RTN4R: variants seen among roughly 807,000 people sequenced by gnomAD.
RTN4R encodes reticulon-4 receptor.
RTN4R carries 4 observed loss-of-function variants against 27.7 expected under a neutral mutation model. That is an observed-to-expected ratio of 0.14 (90% CI 0.07 to 0.33). RTN4R has a LOEUF of 0.33. Among genes scored for constraint, RTN4R ranks in the 10% least tolerant of loss-of-function variants. The probability of loss-of-function intolerance (pLI) is 1.00; values close to 1 mark genes in which losing one functional copy is unlikely to be tolerated. For synonymous variants in RTN4R, 290 were observed against 305.6 expected (o/e 0.95, Z 0.53); for missense variants, 554 against 671.5 (o/e 0.83, Z 1.93).
chr22:20,256,721 C>G (rs950525046), intron 1 of RTN4R, among the ~76,000 whole-genome samples: 6 of 152,256 alleles, frequency 3.9e-5, no homozygotes, highest in African/African-American at 1.4e-4. Flanking sequence ...CCTCCACTGG[C>G]TGCTTCTCCG....
At chr22:20,262,668 G>C (rs1403045757) in intron 1 of RTN4R, among the ~76,000 whole-genome samples, 1 of 152,216 alleles carries the variant, frequency 6.6e-6, no homozygotes, top group African/African-American at 2.4e-5. Flanking sequence ...GAGGACTCTA[G>C]GCATTTTCCC....
intron 1 of RTN4R, among the ~76,000 whole-genome samples, chr22:20,261,923 C>T (rs1298959573): frequency 6.6e-6 from 1 of 152,252 alleles, no homozygotes; most frequent in African/African-American, 2.4e-5. Flanking sequence ...GGGGCCAAAG[C>T]TTCACCTAGG....
At chr22:20,259,369 G>A (rs1329148285) in intron 1 of RTN4R, among the ~76,000 whole-genome samples, 12 of 152,212 alleles carry the variant, frequency 7.9e-5, no homozygotes, top group African/African-American at 2.7e-4. Context: ...TGTCACACCT[G>A]TCCCTGTGTC....
intron 1 of RTN4R, among the ~76,000 whole-genome samples, chr22:20,249,595 C>T (rs1045803305): frequency 3.3e-5 from 5 of 152,148 alleles, no homozygotes; most frequent in African/African-American, 9.7e-5. Flanking sequence ...GCGTGCATAC[C>T]GGAAACACAC....
At chr22:20,260,401 T>A (rs1282222058) in intron 1 of RTN4R, among the ~76,000 whole-genome samples, 2 of 152,158 alleles carry the variant, frequency 1.3e-5, no homozygotes, top group East Asian at 3.9e-4. Flanking sequence ...GTGGAGAGTG[T>A]GTGGGAGGGA....
In RTN4R at chr22:20,242,148, GCTC is replaced by G. The variant is rs749127681; in HGVS notation, c.982_984del (p.Glu328del). On this transcript the variant is annotated inframe_deletion, in exon 2 of 2. Transcript: ENST00000043402. ...TGGCAGCACTTGGGAAGCCCCAGCG[GCTC>G]CTCATCGGTGGCCCTGCCGGTCCAG... The G allele has an allele frequency of 5.6e-6, 9 of 1,612,126 alleles. No individual in the cohort carries two copies. Among genetic ancestry groups the G allele is most frequent in the Middle Eastern group, 1.7e-4 (1 of 6,058 alleles).
At chr22:20,263,463 TGA>T (rs2051259289) in intron 1 of RTN4R, among the ~76,000 whole-genome samples, 1 of 152,244 alleles carries the variant, frequency 6.6e-6, no homozygotes, top group Non-Finnish European at 1.5e-5. Flanking sequence ...AGCCCTTATG[TGA>T]TACCCCCAAC....
Position 20,268,073 on chromosome 22 carries a change from C to G in RTN4R, c.20G>C (p.Gly7Ala), listed in dbSNP as rs774388504. Residue 7 changes from glycine (G) to alanine (A), a missense_variant and splice_region_variant, in exon 1 of 2, where the codon GGA becomes GCA. Coordinates refer to ENST00000043402, the MANE Select transcript of RTN4R (RefSeq NM_023004.6). MKRASA[G>A]GSRLLAWVLW... is the part of the protein sequence containing the mutation. Reference sequence around the variant, plus strand: ...TCGGGTGCAGCGCGGACACTCACCTCCAGCGGACGCCCTCTTCATCGTAGG... The same window carrying G: ...TCGGGTGCAGCGCGGACACTCACCTGCAGCGGACGCCCTCTTCATCGTAGG... 3 of 1,201,064 alleles carry G rather than the reference C, an allele frequency of 2.5e-6. No homozygotes were observed. In the South Asian group the frequency reaches 9.3e-5, roughly 37 times the overall value. 74.4% of individuals were successfully genotyped at this position (1,201,064 alleles called of 1,614,324 possible). A position where few individuals can be genotyped will look rare whatever the true frequency, so the allele number is the denominator to read the frequency against.
chr22:20,253,638 G>A (rs1054096650), intron 1 of RTN4R, among the ~76,000 whole-genome samples: 2 of 152,120 alleles, frequency 1.3e-5, no homozygotes, highest in Admixed American at 6.6e-5. Context: ...CCAGGCATCC[G>A]GAAAACATAT....
In RTN4R at chr22:20,251,997, CCATCCT is replaced by C. The variant is rs1323898706; in HGVS notation, c.23-8893_23-8888del. On this transcript the variant is annotated intron_variant, in intron 1 of 1. Coordinates refer to ENST00000043402, the MANE Select transcript of RTN4R (RefSeq NM_023004.6). ...ATCACCATCACCATCACCATCATCACCATCCTCATCCTCATCACCATCATCCCATCA... is the reference window on the plus strand; with the variant it reads ...ATCACCATCACCATCACCATCATCACCATCCTCATCACCATCATCCCATCA... Among the ~76,000 whole-genome samples the C allele has an allele frequency of 7.0e-5, 7 of 100,000 alleles. No individual in the cohort carries two copies. The East Asian group carries it at 9.0e-4, about 13-fold the overall frequency. 65.6% of individuals were successfully genotyped at this position (100,000 alleles called of 152,430 possible). A position where few individuals can be genotyped will look rare whatever the true frequency, so the allele number is the denominator to read the frequency against.
At chr22:20,243,347 T>A in intron 1 of RTN4R, 1 of 702,782 alleles carries the variant, frequency 1.4e-6, no homozygotes, top group Non-Finnish European at 2.6e-6. Flanking sequence ...GGAAGCCACA[T>A]CTGCAGACTC....
intron 1 of RTN4R, among the ~76,000 whole-genome samples, chr22:20,245,138 C>A (rs1228986293): frequency 6.6e-6 from 1 of 152,198 alleles, no homozygotes; most frequent in Non-Finnish European, 1.5e-5. Flanking sequence ...AACTGAGCCA[C>A]ACGGTGGTGC....
At chr22:20,261,520 G>T (rs995071351) in intron 1 of RTN4R, among the ~76,000 whole-genome samples, 1 of 152,236 alleles carries the variant, frequency 6.6e-6, no homozygotes, top group African/African-American at 2.4e-5. Context: ...CGTGCGGACA[G>T]GGAGGCTCAG....
intron 1 of RTN4R, among the ~76,000 whole-genome samples, chr22:20,265,241 G>T (rs545277543): frequency 6.6e-6 from 1 of 152,196 alleles, no homozygotes; most frequent in Non-Finnish European, 1.5e-5. Flanking sequence ...GCAGAGGGAG[G>T]GGGAGAGCAC....
At chr22:20,262,806 A>AT (rs1602652007) in intron 1 of RTN4R, among the ~76,000 whole-genome samples, 2 of 152,246 alleles carry the variant, frequency 1.3e-5, no homozygotes, top group East Asian at 3.8e-4. Flanking sequence ...GCACAAGCTT[A>AT]CCCATGGCTG....
chr22:20,253,054 C>T (rs553477218), intron 1 of RTN4R, among the ~76,000 whole-genome samples: 12 of 152,300 alleles, frequency 7.9e-5, no homozygotes, highest in African/African-American at 2.6e-4. Flanking sequence ...CAGAGCCACA[C>T]GGACCCCTCT....
rs2051118619 is a variant in RTN4R at position 20,243,002 on chromosome 22, G to A, written c.131C>T (p.Pro44Leu). The A allele has an allele frequency of 6.2e-7, 1 of 1,609,314 alleles. No individual in the cohort carries two copies. Among genetic ancestry groups the A allele is most frequent in the Non-Finnish European group, 8.5e-7 (1 of 1,179,894 alleles). ...YNEPKVTTSC[P>L]QQGLQAVPVG... ...GGGCACAGCCTGCAGGCCCTGCTGG[G>A]GGCAGCTTGTCGTCACCTTGGGCTC... is the stretch of plus-strand genomic sequence containing the variant. The change falls in exon 2 of 2, where the codon CCC becomes CTC. Residue 44 changes from proline (P) to leucine (L), a missense_variant. Around this residue, in one of 2 missense-constraint regions of RTN4R, gnomAD observed 413 missense variants for 542.3 expected, o/e 0.76. Transcript: ENST00000043402.
rs1252412451 is a variant in RTN4R at position 20,255,770 on chromosome 22, GGTAGGGGTGTGCGGTCAACACCCA to G, written c.22+12277_22+12300del. Among the ~76,000 whole-genome samples, 5 of 152,122 alleles carry G rather than the reference GGTAGGGGTGTGCGGTCAACACCCA, an allele frequency of 3.3e-5. No homozygotes were observed. Among genetic ancestry groups the G allele is most frequent in the African/African-American group, 1.2e-4 (5 of 41,446 alleles). On this transcript the variant is annotated intron_variant, in intron 1 of 1. Transcript: ENST00000043402. This position sits in a 1 kb window ranked among gnomAD's most constrained non-coding sequence, Gnocchi z 4.8. ...AGGCTGGGGCCCCTCAGGAGCCGGGGGTAGGGGTGTGCGGTCAACACCCAGCAGGGGTCGCCTAGCACTGGGGTG... is the reference window on the plus strand; with the variant it reads ...AGGCTGGGGCCCCTCAGGAGCCGGGGGCAGGGGTCGCCTAGCACTGGGGTG...
At chr22:20,265,431 T>C (rs1241090461) in intron 1 of RTN4R, among the ~76,000 whole-genome samples, 1 of 152,184 alleles carries the variant, frequency 6.6e-6, no homozygotes, top group Non-Finnish European at 1.5e-5. Flanking sequence ...ACAAGCCCTC[T>C]GGCTTTCAGA....
Sources: gnomAD v4.1 joint callset for allele counts (sites outside exome capture counted in the v4.1 genomes callset) on GRCh38, gnomAD v4.1.1 for gene constraint, gnomAD v4.1.1 regional missense constraint, Gnocchi (gnomAD v3.1) non-coding constraint, MANE v1.5 for transcripts, NCBI Gene and HGNC (gene_info 2026-07-23, HGNC 2026-07-21) for gene names.